Variants in APLF observed in about 807,000 individuals in gnomAD.
APLF encodes aprataxin and PNK-like factor.
In APLF, 61 loss-of-function variants were observed where a neutral mutation model predicts 55.6. The ratio of observed to expected loss-of-function variants is 1.10; its 90% CI spans 0.89 to 1.36. The LOEUF is 1.36. APLF is among the 40% of genes most tolerant of loss of function. The probability of loss-of-function intolerance (pLI) is 0.00; values close to 1 mark genes in which losing one functional copy is unlikely to be tolerated. For synonymous variants in APLF, 207 were observed against 214.8 expected, an observed-to-expected ratio of 0.96 and a Z score of 0.32; for missense variants, 611 against 602.5, an observed-to-expected ratio of 1.01 and a Z score of -0.15.
intron 3 of APLF, among the ~76,000 whole-genome samples, chr2:68,509,093 T>G (rs1676963213): frequency 6.6e-6 from 1 of 152,050 alleles, no homozygotes; most frequent in African/African-American, 2.4e-5. Flanking sequence ...AAGACTTAAA[T>G]GTTAGACCTA....
Position 68,490,255 on chromosome 2 carries a change from C to T in APLF, c.162C>T (p.Ile54=), listed in dbSNP as rs1361749329. The T allele has an allele frequency of 2.5e-6, 4 of 1,611,748 alleles. No individual in the cohort carries two copies. The Admixed American group carries it at 5.0e-5, about 20-fold the overall frequency. Residue 54 remains isoleucine (I), a synonymous_variant, in exon 2 of 10, where the codon ATC becomes ATT. Coordinates refer to ENST00000303795, the MANE Select transcript of APLF (RefSeq NM_173545.3). ...ILEVAGGQLR[I]KPIHTNPCFY... is the part of the protein sequence containing the mutation. ...AGGTGGCAGGTGGTCAGCTGCGAAT[C>T]AAACCGGTAAATATGTTATTAATGA...
In APLF at chr2:68,545,305, T is replaced by G. The variant is rs116704384; in HGVS notation, c.1279T>G (p.Cys427Gly). Reference sequence around the variant, plus strand: ...GCCTGAATGTCCCTATGGACCATCCTGTTATAGGTATAGAAACTGAATGTT... The same window carrying G: ...GCCTGAATGTCCCTATGGACCATCCGGTTATAGGTATAGAAACTGAATGTT... ...DRPECPYGPSCYRKNPQHKIE... is the reference protein window; with the variant it reads ...DRPECPYGPSGYRKNPQHKIE... Residue 427 changes from cysteine (C) to glycine (G), a missense_variant, in exon 8 of 10, where the codon TGT becomes GGT. Transcript: ENST00000303795. 1 of 1,612,980 alleles carries G rather than the reference T, an allele frequency of 6.2e-7. No individual in the cohort carries two copies. The highest frequency in any genetic ancestry group is 1.1e-5 in the South Asian group (1 of 90,896).
intron 1 of APLF, among the ~76,000 whole-genome samples, chr2:68,480,694 A>G (rs1042981048): frequency 6.6e-6 from 1 of 152,068 alleles, no homozygotes; most frequent in Non-Finnish European, 1.5e-5. Flanking sequence ...GCTTGTTCCA[A>G]TTCTTAGAAG....
chr2:68,560,041 T>A (rs1245727934), intron 8 of APLF, among the ~76,000 whole-genome samples: 1 of 152,110 alleles, frequency 6.6e-6, no homozygotes, highest in African/African-American at 2.4e-5. Context: ...ATAAAGACAT[T>A]TGCTATTTCC....
intron 6 of APLF, among the ~76,000 whole-genome samples, chr2:68,530,010 C>G (rs1670203809): frequency 6.6e-6 from 1 of 152,244 alleles, no homozygotes; most frequent in Non-Finnish European, 1.5e-5. Flanking sequence ...ACCAGCCTCG[C>G]TCCGCAGGTT....
At chr2:68,493,702 A>T (rs1676439189) in intron 2 of APLF, among the ~76,000 whole-genome samples, 1 of 152,218 alleles carries the variant, frequency 6.6e-6, no homozygotes, top group Non-Finnish European at 1.5e-5. Context: ...TGTGGCTCAC[A>T]CCTGTAATCC....
At chr2:68,532,284 A>G (rs572643612) in intron 6 of APLF, among the ~76,000 whole-genome samples, 2 of 152,344 alleles carry the variant, frequency 1.3e-5, no homozygotes, top group South Asian at 2.1e-4. Flanking sequence ...CCAGGCCTAC[A>G]TTTGGATCAA....
At chr2:68,523,137 AC>A (rs1413150684) in intron 5 of APLF, among the ~76,000 whole-genome samples, 32 of 152,158 alleles carry the variant, frequency 2.1e-4, no homozygotes, top group African/African-American at 7.7e-4. Context: ...CTACTTAGTA[AC>A]AAAAAAGATA....
At chr2:68,554,496 A>G (rs1670951324) in intron 8 of APLF, among the ~76,000 whole-genome samples, 1 of 152,074 alleles carries the variant, frequency 6.6e-6, no homozygotes, top group African/African-American at 2.4e-5. Flanking sequence ...TGACAGTGTG[A>G]TCATTTTTAC....
At chr2:68,547,686 C>A (rs1447372967) in intron 8 of APLF, among the ~76,000 whole-genome samples, 3 of 151,462 alleles carry the variant, frequency 2.0e-5, no homozygotes. Flanking sequence ...ACACCATAGT[C>A]AAAAACTGAA....
chr2:68,553,891 T>G (rs1041481535), intron 8 of APLF, among the ~76,000 whole-genome samples: 1 of 152,110 alleles, frequency 6.6e-6, no homozygotes, highest in Non-Finnish European at 1.5e-5. Context: ...TAGGTTGATT[T>G]CATATTTTGT....
At chr2:68,557,200 C>A (rs185027472) in intron 8 of APLF, among the ~76,000 whole-genome samples, 5 of 152,256 alleles carry the variant, frequency 3.3e-5, no homozygotes, top group Admixed American at 3.3e-4. Context: ...CACATCCTTC[C>A]ATGCACTTTA....
At chr2:68,530,552 T>C (rs959821333) in intron 6 of APLF, among the ~76,000 whole-genome samples, 4 of 152,224 alleles carry the variant, frequency 2.6e-5, no homozygotes, top group African/African-American at 9.6e-5. Context: ...TTATTCCATA[T>C]GGATAAAAGT....
chr2:68,489,466 A>G (rs553833010), intron 1 of APLF, among the ~76,000 whole-genome samples: 27 of 152,376 alleles, frequency 1.8e-4, no homozygotes, highest in Non-Finnish European at 3.4e-4. Context: ...GAAAAGGGAA[A>G]GCTTTGATTG....
chr2:68,544,342 C>G (rs72901989), intron 7 of APLF, among the ~76,000 whole-genome samples: 1,597 of 152,168 alleles, frequency 0.01, 21 homozygotes, highest in African/African-American at 0.037. Context: ...GCCATTCACT[C>G]TCTCACAAGT....
chr2:68,474,072 A>C (rs1344206884), intron 1 of APLF, among the ~76,000 whole-genome samples: 1 of 152,146 alleles, frequency 6.6e-6, no homozygotes, highest in Non-Finnish European at 1.5e-5. Flanking sequence ...CAGCTCCTAG[A>C]ACTGGTTTGT....
At chr2:68,556,904 T>C (rs1408992378) in intron 8 of APLF, among the ~76,000 whole-genome samples, 2 of 152,188 alleles carry the variant, frequency 1.3e-5, no homozygotes, top group African/African-American at 2.4e-5. Flanking sequence ...CAGAACACAA[T>C]GTTTTACCAC....
At chr2:68,514,845 C>G (rs1471750774) in intron 5 of APLF, among the ~76,000 whole-genome samples, 1 of 151,864 alleles carries the variant, frequency 6.6e-6, no homozygotes, top group Non-Finnish European at 1.5e-5. Flanking sequence ...AACTCTGCCT[C>G]TTTGGTCAAT....
intron 1 of APLF, among the ~76,000 whole-genome samples, chr2:68,470,887 C>T (rs1261413016): frequency 1.3e-5 from 2 of 152,176 alleles, no homozygotes; most frequent in Non-Finnish European, 2.9e-5. Context: ...ATCAGTTCAC[C>T]ACTTCTAAGA....
Sources: gnomAD v4.1 joint callset for allele counts (sites outside exome capture counted in the v4.1 genomes callset) on GRCh38, gnomAD v4.1.1 for gene constraint, MANE v1.5 for transcripts, NCBI Gene and HGNC (gene_info 2026-07-23, HGNC 2026-07-21) for gene names.